FMNL2: variants seen among roughly 807,000 people sequenced by gnomAD.
FMNL2 encodes the protein formin like 2.
A neutral mutation model predicts 130.2 loss-of-function variants in FMNL2; 51 were observed. The ratio of observed to expected loss-of-function variants is 0.39; its 90% confidence interval spans 0.31 to 0.49. FMNL2 has a LOEUF of 0.49. FMNL2 is among the 20% of genes least tolerant of loss of function. The pLI, the probability that FMNL2 is intolerant of heterozygous loss-of-function variation, is 0.85. For synonymous variants in FMNL2, 465 were observed against 467.1 expected (o/e 1.00, Z 0.06); for missense variants, 977 against 1,316.2 (o/e 0.74, Z 3.99).
At position 152,648,826 on chromosome 2, in the gene FMNL2, A is replaced by AAGAT. The variant is rs1326873927; in HGVS notation, c.*923_*926dup. ...TTTTCTTATTTTTTATAAATTCAAG[A>AAGAT]AGATACACTTGGCATCGTGTATCGA... On this transcript the variant is annotated 3_prime_UTR_variant, in exon 26 of 26. Transcript: ENST00000288670. 13 of 152,760 alleles carry AAGAT rather than the reference A, an allele frequency of 8.5e-5. No homozygotes were observed. Among genetic ancestry groups the AAGAT allele is most frequent in the South Asian group, 2.1e-4 (1 of 4,832 alleles). The allele number at this position is 152,760 out of a possible 1,614,324, so 9.5% of individuals were successfully genotyped here. A position where few individuals can be genotyped will look rare whatever the true frequency, so the allele number is the denominator to read the frequency against.
intron 1 of FMNL2, among the ~76,000 whole-genome samples, chr2:152,412,609 C>CCAG (rs1366778835): frequency 4.7e-5 from 7 of 148,732 alleles, no homozygotes; most frequent in Non-Finnish European, 5.9e-5. Context: ...GCATTGAAGA[C>CCAG]CAGCCTGGGC....
intron 9 of FMNL2, among the ~76,000 whole-genome samples, chr2:152,599,180 T>A (rs1697915239): frequency 6.6e-6 from 1 of 152,180 alleles, no homozygotes; most frequent in Admixed American, 6.5e-5. Context: ...CAGAAATATT[T>A]CACCAGCTCT....
In FMNL2 at chr2:152,535,896, C is replaced by T. The variant is rs114256651; in HGVS notation, c.202-6843C>T. 4.7e-3 allele frequency among the ~76,000 whole-genome samples: 720 copies of T among 152,332 alleles called. 5 individuals carry two copies. The highest frequency in any genetic ancestry group is 0.015 in the African/African-American group (637 of 41,584). On this transcript the variant is annotated intron_variant, in intron 2 of 25. Coordinates refer to ENST00000288670, the MANE Select transcript of FMNL2 (RefSeq NM_052905.4). ...TCTCACCATCCCCAACATGCTCATACGCATACTTTCTGTAGATGGGGAAGT... is the reference window on the plus strand; with the variant it reads ...TCTCACCATCCCCAACATGCTCATATGCATACTTTCTGTAGATGGGGAAGT...
intron 1 of FMNL2, chr2:152,390,437 C>A: frequency 8.1e-7 from 1 of 1,234,814 alleles, no homozygotes; most frequent in Non-Finnish European, 1.2e-6. Flanking sequence ...AGATCAATAC[C>A]AAGATGATTA....
At chr2:152,473,102 A>G (rs1689947991) in intron 1 of FMNL2, among the ~76,000 whole-genome samples, 1 of 152,228 alleles carries the variant, frequency 6.6e-6, no homozygotes, top group South Asian at 2.1e-4. Context: ...TGACCTTGAG[A>G]TCATTCTATA....
At chr2:152,639,836 T>TGGTG in intron 23 of FMNL2, 122 bp from the exon 24 acceptor site, 5 of 591,678 alleles carry the variant, frequency 8.5e-6, no homozygotes, top group South Asian at 4.2e-5. Flanking sequence ...GTGTAGATCT[T>TGGTG]CTCAACCTTC....
chr2:152,390,075 C>G, intron 1 of FMNL2: 1 of 1,546,534 alleles, frequency 6.5e-7, no homozygotes, highest in Non-Finnish European at 8.9e-7. Context: ...CCCAGGAAAG[C>G]AGGAGAAGAA....
intron 9 of FMNL2, among the ~76,000 whole-genome samples, chr2:152,589,256 A>G (rs1434987116): frequency 6.6e-6 from 1 of 152,160 alleles, no homozygotes; most frequent in Non-Finnish European, 1.5e-5. Context: ...CCTGAGTACA[A>G]TTTTATGCAA....
chr2:152,579,100 T>C (rs1696634315), intron 8 of FMNL2, 136 bp downstream of exon 8: 1 of 705,344 alleles, frequency 1.4e-6, no homozygotes, highest in South Asian at 2.1e-5. Flanking sequence ...ACTCTTTGGC[T>C]GTGTAAGAAT....
intron 9 of FMNL2, among the ~76,000 whole-genome samples, chr2:152,588,558 T>A (rs527430116): frequency 6.6e-6 from 1 of 152,264 alleles, no homozygotes; most frequent in Admixed American, 6.5e-5. Flanking sequence ...GGATCAGGAA[T>A]TAGCATGTGG....
At chr2:152,357,590 C>T (rs1368155157) in intron 1 of FMNL2, among the ~76,000 whole-genome samples, 1 of 106,542 alleles carries the variant, frequency 9.4e-6, no homozygotes, top group Admixed American at 1.0e-4. Context: ...TAATGTATAA[C>T]GATAAATATT....
intron 1 of FMNL2, among the ~76,000 whole-genome samples, chr2:152,507,666 A>C (rs1692247949): frequency 6.6e-6 from 1 of 152,164 alleles, no homozygotes; most frequent in South Asian, 2.1e-4. Context: ...TTTTACCTGA[A>C]GACTAGAATC....
chr2:152,383,273 C>CTTTTTTT (rs35206829), intron 1 of FMNL2, among the ~76,000 whole-genome samples: 209 of 97,538 alleles, frequency 2.1e-3, no homozygotes, highest in Non-Finnish European at 2.8e-3. Flanking sequence ...TCCGTTAATC[C>CTTTTTTT]TTTTTTTTTT....
At chr2:152,463,844 C>T (rs1467014499) in intron 1 of FMNL2, among the ~76,000 whole-genome samples, 7 of 151,948 alleles carry the variant, frequency 4.6e-5, no homozygotes, top group Admixed American at 6.6e-5. Context: ...TTTTTTCTCC[C>T]TGGCTTTTCC....
At chr2:152,493,114 G>A (rs1432099971) in intron 1 of FMNL2, among the ~76,000 whole-genome samples, 1 of 152,116 alleles carries the variant, frequency 6.6e-6, no homozygotes, top group Non-Finnish European at 1.5e-5. Context: ...AATTGGCACT[G>A]TAAGAATAAG....
At chr2:152,347,564 A>C (rs1682199675) in intron 1 of FMNL2, among the ~76,000 whole-genome samples, 1 of 152,208 alleles carries the variant, frequency 6.6e-6, no homozygotes, top group Non-Finnish European at 1.5e-5. Context: ...GAAAATGAGC[A>C]TTTGAAATTT....
intron 9 of FMNL2, among the ~76,000 whole-genome samples, chr2:152,587,979 G>A (rs1053537513): frequency 6.6e-6 from 1 of 152,220 alleles, no homozygotes; most frequent in African/African-American, 2.4e-5. Context: ...AGGGCTGGAG[G>A]CAGATGGGGA....
rs957652732 is a variant in FMNL2 at position 152,335,266 on chromosome 2, A to G, written c.-338A>G. On this transcript the variant is annotated 5_prime_UTR_variant, in exon 1 of 26. Transcript: ENST00000288670. ...CCGCGGGCCCGGCAGAAGGCCGAGT[A>G]GGAGGGACCACGCGCCGGGGGCCGC... is the stretch of plus-strand genomic sequence containing the variant. 2 of 161,864 alleles carry G rather than the reference A, an allele frequency of 1.2e-5. No homozygotes were observed. Among genetic ancestry groups the G allele is most frequent in the Middle Eastern group, 2.8e-3 (1 of 360 alleles). 10.0% of individuals were successfully genotyped at this position (161,864 alleles called of 1,614,324 possible).
At chr2:152,563,836 C>T (rs1409025655) in intron 6 of FMNL2, among the ~76,000 whole-genome samples, 3 of 152,092 alleles carry the variant, frequency 2.0e-5, no homozygotes, top group Non-Finnish European at 4.4e-5. Context: ...TGAGTATTTT[C>T]AGTTCCATTG....
Sources: allele counts gnomAD v4.1 joint callset (sites outside exome capture counted in the v4.1 genomes callset), GRCh38; gene constraint gnomAD v4.1.1; transcripts MANE v1.5; gene names NCBI Gene and HGNC (gene_info 2026-07-23, HGNC 2026-07-21).